Variants in IDE observed in about 807,000 individuals in gnomAD.
The protein encoded by IDE is insulin-degrading enzyme.
In IDE, 58 loss-of-function variants were observed where a neutral mutation model predicts 133.2. That is an observed-to-expected ratio of 0.44 (90% CI 0.35 to 0.54). IDE has a LOEUF of 0.54. Ranked by LOEUF, IDE falls within the 20% of genes least tolerant of loss-of-function variation. The pLI is 0.00. For missense variants in IDE, 981 were observed against 1,234.0 expected, an observed-to-expected ratio of 0.79 and a Z score of 3.07; for synonymous variants, 396 against 421.3, an observed-to-expected ratio of 0.94 and a Z score of 0.73.
chr10:92,482,144 T>C (rs1448169350), intron 14 of IDE, among the ~76,000 whole-genome samples: 1 of 152,208 alleles, frequency 6.6e-6, no homozygotes, highest in Non-Finnish European at 1.5e-5. Context: ...TTCCAAAGCA[T>C]TTAAACCTTA....
intron 4 of IDE, among the ~76,000 whole-genome samples, chr10:92,524,527 TTATAA>T (rs1257157948): frequency 8.6e-5 from 5 of 57,976 alleles, no homozygotes; most frequent in African/African-American, 2.7e-4. Context: ...ATATATTATA[TTATAA>T]TATATTTTAT....
In IDE at chr10:92,573,938, G is replaced by A. The variant is rs1306985719; in HGVS notation, c.82C>T (p.Pro28Ser). 2.0e-6 allele frequency: 3 copies of A among 1,469,460 alleles called. No individual in the cohort carries two copies. Among genetic ancestry groups the A allele is most frequent in the Non-Finnish European group, 2.7e-6 (3 of 1,116,146 alleles). The allele number at this position is 1,469,460 out of a possible 1,614,324, so 91.0% of individuals were successfully genotyped here. ...RSVLGARLPP[P>S]ERLCGFQKKT... ...TCCGCTTACCCACACAGGCGCTCCGGAGGCGGCAGGCGGGCGCCGAGGACT... is the reference window on the plus strand; with the variant it reads ...TCCGCTTACCCACACAGGCGCTCCGAAGGCGGCAGGCGGGCGCCGAGGACT... The change falls in exon 1 of 25, where the codon CCG (proline) becomes TCG (serine). Residue 28 changes from proline (P) to serine (S), a missense_variant. By Grantham distance (74) the Pro-to-Ser change is moderately conservative. Around this residue, in one of 2 missense-constraint regions of IDE, gnomAD observed 321 missense variants for 339.3 expected, o/e 0.95. Transcript: ENST00000265986.
intron 4 of IDE, among the ~76,000 whole-genome samples, chr10:92,522,061 CA>C (rs987472968): frequency 8.6e-4 from 119 of 138,296 alleles, no homozygotes; most frequent in Admixed American, 5.8e-4. Context: ...AAATTCTTCA[CA>C]AAAAAAAAAT....
intron 12 of IDE, among the ~76,000 whole-genome samples, chr10:92,490,167 G>A (rs768738335): frequency 2.6e-5 from 4 of 152,232 alleles, no homozygotes; most frequent in Non-Finnish European, 5.9e-5. Flanking sequence ...TGGAGCCCTT[G>A]CATTGGTTTC....
rs1478605094 is a variant in IDE at position 92,574,062 on chromosome 10, T to G, written c.-43A>C. The G allele has an allele frequency of 6.9e-7, 1 of 1,456,572 alleles. No homozygotes were observed. The highest frequency in any genetic ancestry group is 9.2e-7 in the Non-Finnish European group (1 of 1,091,872). The allele number at this position is 1,456,572 out of a possible 1,614,324, so 90.2% of individuals were successfully genotyped here. On this transcript the variant is annotated 5_prime_UTR_variant, in exon 1 of 25. Coordinates refer to ENST00000265986, the MANE Select transcript of IDE (RefSeq NM_004969.4). ...GGGATCACCGCAAACGCTTCCTGCT[T>G]GCGCTTCGAGCCGGCCCTGCGCACT...
In IDE at chr10:92,479,128, C is replaced by T. The variant is rs190211601; in HGVS notation, c.1884+149G>A. 705 of 538,724 alleles carry T rather than the reference C, an allele frequency of 1.3e-3. 6 individuals are homozygous for T. The East Asian group carries it at 0.019, about 14-fold the overall frequency. The allele number at this position is 538,724 out of a possible 1,614,324, so 33.4% of individuals were successfully genotyped here. ...TGTAGTTGAACACTTAGAATAAAAG[C>T]TAACTTAAAAATTAAATGAGAAAAT... On this transcript the variant is annotated intron_variant, in intron 15 of 24. Coordinates refer to ENST00000265986, the MANE Select transcript of IDE (RefSeq NM_004969.4).
intron 12 of IDE, among the ~76,000 whole-genome samples, chr10:92,488,601 C>A (rs1400321736): frequency 6.6e-6 from 1 of 151,822 alleles, no homozygotes; most frequent in Non-Finnish European, 1.5e-5. Flanking sequence ...CATTGTGAAA[C>A]CTCATATCTA....
intron 8 of IDE, among the ~76,000 whole-genome samples, chr10:92,507,902 T>C (rs1428677831): frequency 6.6e-6 from 1 of 152,204 alleles, no homozygotes; most frequent in Non-Finnish European, 1.5e-5. Flanking sequence ...AGTCCACATT[T>C]AACAAGTGCA....
chr10:92,532,671 C>CT (rs1193014988), intron 3 of IDE, among the ~76,000 whole-genome samples: 2 of 150,956 alleles, frequency 1.3e-5, no homozygotes, highest in African/African-American at 5.0e-5. Flanking sequence ...ATACCTACAG[C>CT]TAATAAATTA....
chr10:92,537,230 C>A, intron 2 of IDE, 136 bp downstream of exon 2: 1 of 571,820 alleles, frequency 1.7e-6, no homozygotes, highest in Non-Finnish European at 2.9e-6. Flanking sequence ...AATAGCTTTA[C>A]GAGGGTTCTG....
chr10:92,524,269 C>T (rs977507429), intron 4 of IDE, among the ~76,000 whole-genome samples: 1 of 129,986 alleles, frequency 7.7e-6, no homozygotes, highest in Non-Finnish European at 1.6e-5. Flanking sequence ...TGTGCCACTG[C>T]ACTCCAGCCT....
rs578139527 is a variant in IDE, at chr10:92,482,621, C to T, written c.1739+634G>A. ...ATTTATTCTTTCTTCAATGAGTCTTCTTCTGGGTAAATCTACGGCCTCCTC... is the reference window on the plus strand; with the variant it reads ...ATTTATTCTTTCTTCAATGAGTCTTTTTCTGGGTAAATCTACGGCCTCCTC... On this transcript the variant is annotated intron_variant, in intron 14 of 24. Transcript: ENST00000265986. 2.0e-5 allele frequency among the ~76,000 whole-genome samples: 3 copies of T among 152,248 alleles called. No individual in the cohort carries two copies. In the South Asian group the frequency reaches 6.2e-4, roughly 32 times the overall value.
At chr10:92,569,469 T>A (rs1843691015) in intron 1 of IDE, among the ~76,000 whole-genome samples, 1 of 152,204 alleles carries the variant, frequency 6.6e-6, no homozygotes, top group South Asian at 2.1e-4. Context: ...TGATGTAAGA[T>A]GTTACGAAGA....
chr10:92,458,646 C>T (rs568657), intron 22 of IDE, among the ~76,000 whole-genome samples: 7 of 150,866 alleles, frequency 4.6e-5, no homozygotes, highest in African/African-American at 1.7e-4. Context: ...GGATTACAGG[C>T]GTGCACCACC....
In IDE at chr10:92,465,666, T is replaced by G. The variant is rs1564595533; in HGVS notation, c.2488+10A>C. The G allele has an allele frequency of 6.2e-7, 1 of 1,606,478 alleles. No homozygotes were observed. Among genetic ancestry groups the G allele is most frequent in the Non-Finnish European group, 8.5e-7 (1 of 1,173,936 alleles). ...TACAGTACCCTGCTATTTCCCCACT[T>G]TCCTCTCACCCAACTGCTCCTTGGT... On this transcript the variant is annotated intron_variant, in intron 20 of 24. Transcript: ENST00000265986.
intron 22 of IDE, among the ~76,000 whole-genome samples, chr10:92,457,183 T>C (rs1243453752): frequency 1.3e-5 from 2 of 152,152 alleles, no homozygotes; most frequent in African/African-American, 2.4e-5. Flanking sequence ...ACAGAGACAA[T>C]GGTCTGAGCT....
Position 92,537,399 on chromosome 10 carries a change from C to A in IDE, c.250G>T (p.Asp84Tyr). ...ACATCAAGTGCTGCTGATGACTTATCCGTGGTGGGATCACTGATAAGAAGT... is the reference window on the plus strand; with the variant it reads ...ACATCAAGTGCTGCTGATGACTTATACGTGGTGGGATCACTGATAAGAAGT... ...KVLLISDPTT[D>Y]KSSAALDVHI... The change falls in exon 2 of 25, where the codon GAT (aspartate) becomes TAT (tyrosine). Residue 84 changes from aspartate (D) to tyrosine (Y), a missense_variant. Coordinates refer to ENST00000265986, the MANE Select transcript of IDE (RefSeq NM_004969.4). The A allele has an allele frequency of 2.5e-6, 4 of 1,610,644 alleles. No homozygotes were observed. Among genetic ancestry groups the A allele is most frequent in the Non-Finnish European group, 3.4e-6 (4 of 1,179,192 alleles).
chr10:92,496,009 G>A (rs1178765990), intron 11 of IDE, among the ~76,000 whole-genome samples: 2 of 151,848 alleles, frequency 1.3e-5, no homozygotes, highest in Non-Finnish European at 2.9e-5. Flanking sequence ...TGAGTAGCTG[G>A]GATTACAGGT....
At chr10:92,513,812 C>T (rs1848755646) in intron 5 of IDE, among the ~76,000 whole-genome samples, 1 of 151,836 alleles carries the variant, frequency 6.6e-6, no homozygotes. Context: ...CAAGCACGAG[C>T]CCAGGTACTG....
Sources: allele counts gnomAD v4.1 joint callset (sites outside exome capture counted in the v4.1 genomes callset), GRCh38; gene constraint gnomAD v4.1.1; regional missense constraint gnomAD v4.1.1; transcripts MANE v1.5; gene names NCBI Gene and HGNC (gene_info 2026-07-23, HGNC 2026-07-21).